ANKIB1: variants seen among roughly 807,000 people sequenced by gnomAD.
ANKIB1 encodes ankyrin repeat and IBR domain containing 1.
A neutral mutation model predicts 122.1 loss-of-function variants in ANKIB1; 43 were observed. The ratio of observed to expected loss-of-function variants is 0.35; its 90% CI spans 0.28 to 0.45. The LOEUF is 0.45. Ranked by LOEUF, ANKIB1 falls within the 20% of genes least tolerant of loss-of-function variation. The pLI is 1.00. For missense variants in ANKIB1, 992 were observed against 1,329.5 expected (o/e 0.75, Z 3.95); for synonymous variants, 390 against 442.0 (o/e 0.88, Z 1.48).
intron 3 of ANKIB1, among the ~76,000 whole-genome samples, chr7:92,316,010 C>T (rs898674748): frequency 5.9e-5 from 9 of 152,200 alleles, no homozygotes; most frequent in Admixed American, 4.6e-4. Context: ...GGGGTTACCT[C>T]TCTTAAAGCC....
intron 15 of ANKIB1, among the ~76,000 whole-genome samples, chr7:92,390,916 T>C (rs1317219534): frequency 6.6e-6 from 1 of 152,198 alleles, no homozygotes; most frequent in Non-Finnish European, 1.5e-5. Flanking sequence ...CCAATTTCAT[T>C]TCTATAAATG....
intron 11 of ANKIB1, among the ~76,000 whole-genome samples, chr7:92,380,978 G>A (rs1478857904): frequency 2.6e-5 from 4 of 152,102 alleles, no homozygotes; most frequent in South Asian, 4.1e-4. Context: ...GAGGAAGTTC[G>A]AACCCATCAC....
chr7:92,372,730 G>A (rs909546598), intron 11 of ANKIB1, among the ~76,000 whole-genome samples: 1 of 151,836 alleles, frequency 6.6e-6, no homozygotes, highest in Non-Finnish European at 1.5e-5. Flanking sequence ...CAAATATGCT[G>A]GTATGTTATT....
chr7:92,363,522 TATG>T (rs1204321077), intron 10 of ANKIB1, among the ~76,000 whole-genome samples: 1 of 152,228 alleles, frequency 6.6e-6, no homozygotes, highest in Non-Finnish European at 1.5e-5. Context: ...TGCGGTATCA[TATG>T]ATAACTGATA....
intron 2 of ANKIB1, among the ~76,000 whole-genome samples, chr7:92,304,041 G>T (rs1007278824): frequency 1.9e-4 from 28 of 151,344 alleles, no homozygotes; most frequent in African/African-American, 6.3e-4. Flanking sequence ...TCCTATCCCT[G>T]TTCCAGAATT....
intron 1 of ANKIB1, among the ~76,000 whole-genome samples, chr7:92,252,728 C>T (rs1801353023): frequency 6.6e-6 from 1 of 152,084 alleles, no homozygotes; most frequent in African/African-American, 2.4e-5. Context: ...CCTCTTCAAG[C>T]TGGCTCGTCT....
At chr7:92,361,018 C>T (rs1803932418) in intron 9 of ANKIB1, among the ~76,000 whole-genome samples, 1 of 152,142 alleles carries the variant, frequency 6.6e-6, no homozygotes, top group Non-Finnish European at 1.5e-5. Flanking sequence ...GCACGAGCCA[C>T]CACTCCCTGC....
chr7:92,289,368 T>C (rs1386041115), intron 1 of ANKIB1, among the ~76,000 whole-genome samples: 1 of 152,228 alleles, frequency 6.6e-6, no homozygotes, highest in African/African-American at 2.4e-5. Context: ...GTGATTTTTA[T>C]CCTTTTGTTC....
At chr7:92,389,746 T>A (rs1442537219) in intron 14 of ANKIB1, among the ~76,000 whole-genome samples, 1 of 152,190 alleles carries the variant, frequency 6.6e-6, no homozygotes, top group Non-Finnish European at 1.5e-5. Context: ...GTTCCTGGGC[T>A]GCTGGGGCAT....
intron 5 of ANKIB1, among the ~76,000 whole-genome samples, chr7:92,337,781 G>A (rs1741154235): frequency 6.6e-6 from 1 of 152,072 alleles, no homozygotes; most frequent in Non-Finnish European, 1.5e-5. Context: ...ACACCTTGTT[G>A]TAATTACATA....
At chr7:92,367,063 T>C (rs908336071) in intron 10 of ANKIB1, among the ~76,000 whole-genome samples, 4 of 151,972 alleles carry the variant, frequency 2.6e-5, no homozygotes, top group African/African-American at 9.7e-5. Context: ...AGGAAAGAAA[T>C]AGAAAAGCTA....
chr7:92,398,334 A>G lies in ANKIB1; in HGVS notation c.2655A>G (p.Leu885=), dbSNP rs1178226137. Residue 885 remains leucine (L), a synonymous_variant, in exon 20 of 20, where the codon TTA becomes TTG. Transcript: ENST00000265742. Reference sequence around the variant, plus strand: ...ACTTCCTCAGTAATGAAGCATCCTTAGGTGCGATAGGCACTTCTTTACCTT... The same window carrying G: ...ACTTCCTCAGTAATGAAGCATCCTTGGGTGCGATAGGCACTTCTTTACCTT... ...TRDFLSNEAS[L]GAIGTSLPSR... is the part of the protein sequence containing the mutation. 2 of 1,613,520 alleles carry G rather than the reference A, an allele frequency of 1.2e-6. No individual in the cohort carries two copies. The highest frequency in any genetic ancestry group is 1.7e-6 in the Non-Finnish European group (2 of 1,179,734).
chr7:92,254,693 A>G (rs1801400089), intron 1 of ANKIB1, among the ~76,000 whole-genome samples: 1 of 152,076 alleles, frequency 6.6e-6, no homozygotes, highest in Non-Finnish European at 1.5e-5. Flanking sequence ...TCCCTTACTA[A>G]TATGTTGGTG....
intron 1 of ANKIB1, among the ~76,000 whole-genome samples, chr7:92,258,984 C>T (rs187899927): frequency 2.7e-4 from 41 of 151,976 alleles, no homozygotes; most frequent in African/African-American, 8.9e-4. Context: ...GACAGAGTCT[C>T]GTTTTATTAC....
At chr7:92,377,556 A>G (rs1026343902) in intron 11 of ANKIB1, among the ~76,000 whole-genome samples, 2 of 152,220 alleles carry the variant, frequency 1.3e-5, no homozygotes, top group African/African-American at 4.8e-5. Flanking sequence ...CACAAACTTC[A>G]GTTTGTTTAA....
intron 1 of ANKIB1, among the ~76,000 whole-genome samples, chr7:92,261,986 G>A (rs1801575445): frequency 1.3e-5 from 2 of 152,192 alleles, no homozygotes; most frequent in Non-Finnish European, 2.9e-5. Context: ...TCTTAAAAGA[G>A]ATAGGTGTTA....
At chr7:92,371,420 C>T in intron 10 of ANKIB1, 57 bp from the exon 11 acceptor site, 1 of 1,473,934 alleles carries the variant, frequency 6.8e-7, no homozygotes, top group Non-Finnish European at 9.2e-7. Flanking sequence ...TTTTTTTTTC[C>T]CCCAGAAGTT....
intron 11 of ANKIB1, among the ~76,000 whole-genome samples, chr7:92,374,224 C>G (rs376799087): frequency 1.3e-5 from 2 of 152,156 alleles, no homozygotes; most frequent in African/African-American, 2.4e-5. Flanking sequence ...CGCCTGTAAT[C>G]CCAGCACTTT....
chr7:92,263,752 G>A (rs1801610562), intron 1 of ANKIB1, among the ~76,000 whole-genome samples: 1 of 152,138 alleles, frequency 6.6e-6, no homozygotes, highest in Non-Finnish European at 1.5e-5. Context: ...ATACATACAT[G>A]TATAGATATA....
Sources: allele counts gnomAD v4.1 joint callset (sites outside exome capture counted in the v4.1 genomes callset), GRCh38; gene constraint gnomAD v4.1.1; transcripts MANE v1.5; gene names NCBI Gene and HGNC (gene_info 2026-07-23, HGNC 2026-07-21).